The following TRDN variants were observed in gnomAD, a reference collection of about 807,000 sequenced individuals.
The protein encoded by TRDN is triadin, also known as triadin in skeletal muscle.
Under a neutral mutation model 149.7 loss-of-function variants are expected in TRDN, and 161 were observed. The observed-to-expected ratio is 1.08, with a 90% CI of 0.95 to 1.23. TRDN has a LOEUF of 1.23. TRDN is among the 50% of genes most tolerant of loss of function. The probability of loss-of-function intolerance (pLI) is 0.00; values close to 1 mark genes in which losing one functional copy is unlikely to be tolerated. For synonymous variants in TRDN, 294 were observed against 250.5 expected (o/e 1.17, Z -1.64); for missense variants, 896 against 823.5 (o/e 1.09, Z -1.08).
intron 10 of TRDN, among the ~76,000 whole-genome samples, chr6:123,463,869 C>T (rs759766952): frequency 4.0e-5 from 6 of 151,648 alleles, no homozygotes; most frequent in Non-Finnish European, 5.9e-5. Flanking sequence ...GATGAATCCT[C>T]ATGAGTGTCA....
chr6:123,465,582 C>CAA (rs1223948612), intron 9 of TRDN, among the ~76,000 whole-genome samples: 1,045 of 63,032 alleles, frequency 0.017, 11 homozygotes, highest in African/African-American at 0.032. Context: ...TTATGAACTG[C>CAA]AAAAAAAAAA....
intron 33 of TRDN, among the ~76,000 whole-genome samples, chr6:123,262,182 TA>T (rs1776796109): frequency 6.6e-6 from 1 of 151,918 alleles, no homozygotes; most frequent in Non-Finnish European, 1.5e-5. Flanking sequence ...CTCAGGGCTT[TA>T]AAAAAATTAG....
chr6:123,289,912 G>T lies in TRDN; in HGVS notation c.1511-10830C>A, dbSNP rs948994552. On this transcript the variant is annotated intron_variant, in intron 24 of 40. Coordinates refer to ENST00000334268, the MANE Select transcript of TRDN (RefSeq NM_006073.4). ...CAATAAGAATGTTTTGACTATCCCT[G>T]GTGAGAGACAGAAAAAAAGTTCTCC... is the stretch of plus-strand genomic sequence containing the variant. Among the ~76,000 whole-genome samples the T allele has an allele frequency of 2.0e-5, 3 of 152,152 alleles. No homozygotes were observed. The East Asian group carries it at 5.8e-4, about 30-fold the overall frequency.
chr6:123,612,040 C>T (rs1784840801), intron 1 of TRDN, among the ~76,000 whole-genome samples: 1 of 151,520 alleles, frequency 6.6e-6, no homozygotes, highest in African/African-American at 2.4e-5. Flanking sequence ...GATTAGTGTT[C>T]TACAAAACAA....
chr6:123,352,594 AC>A lies in TRDN; in HGVS notation c.1322-9del. 6.2e-7 allele frequency: 1 copy of A among 1,609,866 alleles called. No individual in the cohort carries two copies. Among genetic ancestry groups the A allele is most frequent in the Non-Finnish European group, 8.5e-7 (1 of 1,177,882 alleles). ...CCTTCTTTCCAGGTACAGCTGCAAA[AC>A]AAAGATAAGGTTTAAAGAAGAGTTC... On this transcript the variant is annotated splice_polypyrimidine_tract_variant and intron_variant, in intron 20 of 40. Coordinates refer to ENST00000334268, the MANE Select transcript of TRDN (RefSeq NM_006073.4).
intron 4 of TRDN, among the ~76,000 whole-genome samples, chr6:123,534,091 G>A (rs191947339): frequency 7.0e-4 from 106 of 152,158 alleles, no homozygotes; most frequent in Non-Finnish European, 9.0e-4. Context: ...TGTTTTGCAA[G>A]CAGAGGTCAA....
chr6:123,583,536 T>C (rs551107970), intron 1 of TRDN, among the ~76,000 whole-genome samples: 11 of 148,080 alleles, frequency 7.4e-5, no homozygotes, highest in African/African-American at 2.5e-4. Flanking sequence ...TTCCTGAAGA[T>C]GGAGGACCGT....
chr6:123,577,798 G>A (rs1692952094), intron 1 of TRDN, among the ~76,000 whole-genome samples: 1 of 151,948 alleles, frequency 6.6e-6, no homozygotes, highest in Non-Finnish European at 1.5e-5. Context: ...CCTCACATCT[G>A]TTATTTTTTG....
At chr6:123,248,238 G>C (rs1284006541) in intron 38 of TRDN, among the ~76,000 whole-genome samples, 1 of 152,140 alleles carries the variant, frequency 6.6e-6, no homozygotes, top group Admixed American at 6.6e-5. Flanking sequence ...GGAAAAAGGA[G>C]ACAGTATAAC....
intron 10 of TRDN, among the ~76,000 whole-genome samples, chr6:123,445,623 A>G (rs1375117255): frequency 1.1e-5 from 1 of 88,536 alleles, no homozygotes; most frequent in Admixed American, 1.2e-4. Context: ...CAGCCAAAAA[A>G]CACATGAAAA....
intron 19 of TRDN, among the ~76,000 whole-genome samples, chr6:123,369,946 T>C (rs1223487656): frequency 6.6e-6 from 1 of 152,180 alleles, no homozygotes; most frequent in Non-Finnish European, 1.5e-5. Flanking sequence ...CCTTCAATTC[T>C]ATATGACATT....
At chr6:123,516,334 T>C in intron 5 of TRDN, 128 bp from the exon 6 acceptor site, 1 of 1,130,660 alleles carries the variant, frequency 8.8e-7, no homozygotes, top group Non-Finnish European at 1.1e-6. Flanking sequence ...TGGATTCAGA[T>C]TTTATGTAGT....
chr6:123,385,089 G>T (rs1292151223), intron 14 of TRDN, among the ~76,000 whole-genome samples: 2 of 152,138 alleles, frequency 1.3e-5, no homozygotes, highest in Non-Finnish European at 2.9e-5. Context: ...ATCTGTAGCA[G>T]TGTCTCAAGT....
chr6:123,504,012 G>T, intron 7 of TRDN, 111 bp from the exon 8 acceptor site: 2 of 1,192,508 alleles, frequency 1.7e-6, no homozygotes, highest in South Asian at 1.6e-5. Flanking sequence ...AGAAAGGTAA[G>T]TCACAAGTGT....
chr6:123,285,730 A>G (rs1407402160), intron 24 of TRDN, among the ~76,000 whole-genome samples: 1 of 152,124 alleles, frequency 6.6e-6, no homozygotes, highest in Non-Finnish European at 1.5e-5. Context: ...CAAAAGGAAC[A>G]GTCAGCAGAG....
At chr6:123,604,329 C>T (rs1784419754) in intron 1 of TRDN, among the ~76,000 whole-genome samples, 1 of 152,212 alleles carries the variant, frequency 6.6e-6, no homozygotes, top group Non-Finnish European at 1.5e-5. Flanking sequence ...AGCCTACATT[C>T]ATGACATTGC....
intron 7 of TRDN, among the ~76,000 whole-genome samples, chr6:123,506,002 T>C (rs928220025): frequency 4.6e-5 from 7 of 152,216 alleles, no homozygotes; most frequent in African/African-American, 1.7e-4. Flanking sequence ...TTTCTGCTCT[T>C]TCCTGCAGTA....
At chr6:123,325,952 T>C (rs1779436228) in intron 23 of TRDN, among the ~76,000 whole-genome samples, 1 of 152,110 alleles carries the variant, frequency 6.6e-6, no homozygotes, top group African/African-American at 2.4e-5. Flanking sequence ...AGAAACAACA[T>C]TGTACCTTTG....
At chr6:123,581,684 T>A (rs1449933206) in intron 1 of TRDN, among the ~76,000 whole-genome samples, 3 of 152,180 alleles carry the variant, frequency 2.0e-5, no homozygotes, top group Non-Finnish European at 2.9e-5. Context: ...TAAAAACATG[T>A]CTGTTCAAGA....
Sources: allele counts gnomAD v4.1 joint callset (sites outside exome capture counted in the v4.1 genomes callset), GRCh38; gene constraint gnomAD v4.1.1; transcripts MANE v1.5; gene names NCBI Gene and HGNC (gene_info 2026-07-23, HGNC 2026-07-21).